The following SWAP70 variants were observed in gnomAD, a reference collection of about 807,000 sequenced individuals.
The protein encoded by SWAP70 is switch-associated protein 70.
SWAP70 carries 34 observed loss-of-function variants against 80.2 expected under a neutral mutation model. The ratio of observed to expected loss-of-function variants is 0.42; its 90% CI spans 0.32 to 0.56. SWAP70 has a LOEUF of 0.56. SWAP70 is among the 20% of genes least tolerant of loss of function. SWAP70 has a pLI of 0.09. For synonymous variants in SWAP70, 239 were observed against 238.5 expected (o/e 1.00, Z -0.02); for missense variants, 578 against 690.7 (o/e 0.84, Z 1.83).
intron 1 of SWAP70, among the ~76,000 whole-genome samples, chr11:9,667,026 T>A (rs1850315690): frequency 6.6e-6 from 1 of 151,754 alleles, no homozygotes; most frequent in East Asian, 1.9e-4. Flanking sequence ...CCTGACTAAT[T>A]TTTTTGTGTG....
chr11:9,732,586 C>T lies in SWAP70; in HGVS notation c.956C>T (p.Ala319Val), dbSNP rs767775947. Reference protein sequence around the residue: ...KLGSPPPHKEARQRRKELRKK... With the variant: ...KLGSPPPHKEVRQRRKELRKK... ...GGCAGCCCTCCACCACACAAAGAAG[C>T]CCGCCAGCGTCGGAAAGAACTCCGG... The change falls in exon 7 of 12, where the codon GCC becomes GTC. Residue 319 changes from alanine to valine, a missense_variant. Coordinates refer to ENST00000318950, the MANE Select transcript of SWAP70 (RefSeq NM_015055.4). 1.2e-6 allele frequency: 2 copies of T among 1,604,002 alleles called. No homozygotes were observed. The highest frequency in any genetic ancestry group is 1.7e-6 in the Non-Finnish European group (2 of 1,174,218).
At chr11:9,691,316 A>T (rs1302363604) in intron 1 of SWAP70, among the ~76,000 whole-genome samples, 1 of 152,212 alleles carries the variant, frequency 6.6e-6, no homozygotes, top group East Asian at 1.9e-4. Context: ...TTATGAAATG[A>T]GTTTGGGTTG....
chr11:9,724,942 T>G, intron 4 of SWAP70, 57 bp downstream of exon 4: 1 of 1,231,742 alleles, frequency 8.1e-7, no homozygotes, highest in Non-Finnish European at 1.2e-6. Context: ...ATTTTAAAAT[T>G]AATATTTTTG....
intron 1 of SWAP70, among the ~76,000 whole-genome samples, chr11:9,681,472 A>T (rs967547939): frequency 2.6e-5 from 4 of 152,208 alleles, no homozygotes; most frequent in African/African-American, 9.6e-5. Flanking sequence ...AAGTCATTTA[A>T]AGTTTTTAGG....
intron 4 of SWAP70, among the ~76,000 whole-genome samples, chr11:9,726,250 C>G (rs28610066): frequency 0.025 from 3,800 of 152,262 alleles, 156 homozygotes; most frequent in African/African-American, 0.086. Context: ...CCCAGCATAG[C>G]AGATGAAGCT....
chr11:9,723,967 T>A (rs1292091834), intron 3 of SWAP70, among the ~76,000 whole-genome samples: 1 of 152,138 alleles, frequency 6.6e-6, no homozygotes, highest in Non-Finnish European at 1.5e-5. Flanking sequence ...AGAGACAGGG[T>A]TTCGCCATGT....
At chr11:9,673,094 C>T (rs2134422108) in intron 1 of SWAP70, among the ~76,000 whole-genome samples, 1 of 152,260 alleles carries the variant, frequency 6.6e-6, no homozygotes, top group East Asian at 1.9e-4. Flanking sequence ...CACTATCTAC[C>T]TGGAGACAGT....
At position 9,715,706 on chromosome 11, in the gene SWAP70, T is replaced by C. The variant is rs541536501; in HGVS notation, c.414+2067T>C. ...AAGCCATCAGATCTCATGAGACTTA[T>C]TCGCTATTACGAGAACAGCACGGGA... On this transcript the variant is annotated intron_variant, in intron 3 of 11. Transcript: ENST00000318950. 6.6e-5 allele frequency among the ~76,000 whole-genome samples: 10 copies of C among 152,304 alleles called. No individual in the cohort carries two copies. The South Asian group carries it at 1.9e-3, about 28-fold the overall frequency.
intron 2 of SWAP70, among the ~76,000 whole-genome samples, chr11:9,711,849 A>G (rs941495903): frequency 1.3e-5 from 2 of 152,144 alleles, no homozygotes; most frequent in African/African-American, 4.8e-5. Context: ...AAAGGAACCC[A>G]AGGTGGTTCC....
intron 4 of SWAP70, among the ~76,000 whole-genome samples, chr11:9,725,365 C>T (rs1487124492): frequency 6.7e-6 from 1 of 149,808 alleles, no homozygotes; most frequent in Admixed American, 6.7e-5. Flanking sequence ...TTTTAAAGTA[C>T]AGTTAAGAAT....
intron 2 of SWAP70, among the ~76,000 whole-genome samples, chr11:9,694,558 CAG>C (rs1257841706): frequency 2.0e-5 from 3 of 152,140 alleles, no homozygotes; most frequent in African/African-American, 7.2e-5. Context: ...TATTCTCTCT[CAG>C]GGTGCTTTAA....
intron 2 of SWAP70, among the ~76,000 whole-genome samples, chr11:9,699,073 A>G (rs1408434723): frequency 6.6e-6 from 1 of 152,206 alleles, no homozygotes; most frequent in Non-Finnish European, 1.5e-5. Flanking sequence ...CAAAAGCAAC[A>G]TATGGTATGA....
intron 3 of SWAP70, among the ~76,000 whole-genome samples, chr11:9,718,938 A>G (rs1462606990): frequency 3.3e-5 from 5 of 151,652 alleles, no homozygotes; most frequent in East Asian, 3.9e-4. Flanking sequence ...CGTCTCTACA[A>G]AAAATACAAA....
intron 2 of SWAP70, among the ~76,000 whole-genome samples, chr11:9,709,060 C>T (rs181449364): frequency 6.6e-5 from 10 of 152,212 alleles, no homozygotes; most frequent in African/African-American, 2.4e-4. Flanking sequence ...CACAAACCAC[C>T]ATACCCTACT....
Position 9,750,589 on chromosome 11 carries a change from G to C in SWAP70, c.*619G>C, listed in dbSNP as rs1433639255. Reference sequence around the variant, plus strand: ...CTCAGATTCTTCCCCAAATGAGGCAGGGTGCAGACAGCACAGTCAGCTCTG... The same window carrying C: ...CTCAGATTCTTCCCCAAATGAGGCACGGTGCAGACAGCACAGTCAGCTCTG... On this transcript the variant is annotated 3_prime_UTR_variant, in exon 12 of 12. Transcript: ENST00000318950. 6.6e-6 allele frequency: 1 copy of C among 152,444 alleles called. No homozygotes were observed. The highest frequency in any genetic ancestry group is 1.5e-5 in the Non-Finnish European group (1 of 68,200). The allele number at this position is 152,444 out of a possible 1,614,324, so 9.4% of individuals were successfully genotyped here. A position where few individuals can be genotyped will look rare whatever the true frequency, so the allele number is the denominator to read the frequency against.
intron 7 of SWAP70, among the ~76,000 whole-genome samples, chr11:9,735,765 G>A (rs1454627487): frequency 6.6e-6 from 1 of 152,190 alleles, no homozygotes; most frequent in Non-Finnish European, 1.5e-5. Flanking sequence ...GTTCCCTTGT[G>A]TGTGGTAAAT....
At chr11:9,676,794 C>G (rs139314517) in intron 1 of SWAP70, among the ~76,000 whole-genome samples, 1 of 151,762 alleles carries the variant, frequency 6.6e-6, no homozygotes, top group Admixed American at 6.6e-5. Context: ...GGATTACAGG[C>G]GCCCGCCACC....
intron 4 of SWAP70, 134 bp from the exon 5 acceptor site, chr11:9,727,919 G>A: frequency 1.1e-6 from 1 of 901,832 alleles, no homozygotes. Context: ...ATTCTCAGAG[G>A]ATCCAAGAAC....
chr11:9,681,418 AGTCT>A lies in SWAP70; in HGVS notation c.100-12723_100-12720del, dbSNP rs1175841320. On this transcript the variant is annotated intron_variant, in intron 1 of 11. Transcript: ENST00000318950. Reference sequence around the variant, plus strand: ...GGCTAATATATGTTTATTGACTGACAGTCTGTCTTAGAATTAGTTCAGAATTGAC... The same window carrying A: ...GGCTAATATATGTTTATTGACTGACAGTCTTAGAATTAGTTCAGAATTGAC... Among the ~76,000 whole-genome samples, 3 of 152,376 alleles carry A rather than the reference AGTCT, an allele frequency of 2.0e-5. No individual in the cohort carries two copies. The East Asian group carries it at 5.8e-4, about 29-fold the overall frequency.
Sources: gnomAD v4.1 joint callset for allele counts (sites outside exome capture counted in the v4.1 genomes callset) on GRCh38, gnomAD v4.1.1 for gene constraint, MANE v1.5 for transcripts, NCBI Gene and HGNC (gene_info 2026-07-23, HGNC 2026-07-21) for gene names.